NAA15: variants seen among roughly 807,000 people sequenced by gnomAD.
NAA15 encodes N-alpha-acetyltransferase 15, NatA auxiliary subunit.
Under a neutral mutation model 114.0 loss-of-function variants are expected in NAA15, and 34 were observed. The ratio of observed to expected loss-of-function variants is 0.30; its 90% CI spans 0.23 to 0.40. The LOEUF (loss-of-function observed/expected upper bound fraction) is 0.40. Among genes scored for constraint, NAA15 ranks in the 10% least tolerant of loss-of-function variants. NAA15 has a pLI of 1.00. For synonymous variants in NAA15, 340 were observed against 338.0 expected, an observed-to-expected ratio of 1.01 and a Z score of -0.06; for missense variants, 658 against 1,004.5, an observed-to-expected ratio of 0.66 and a Z score of 4.66.
At chr4:139,365,758 G>C (rs1162918649) in intron 14 of NAA15, among the ~76,000 whole-genome samples, 1 of 152,116 alleles carries the variant, frequency 6.6e-6, no homozygotes, top group African/African-American at 2.4e-5. Context: ...GGCAGGAGTG[G>C]AAGGATCTTT....
intron 17 of NAA15, among the ~76,000 whole-genome samples, chr4:139,382,224 T>C (rs756938598): frequency 2.0e-5 from 3 of 152,132 alleles, no homozygotes; most frequent in Non-Finnish European, 4.4e-5. Context: ...TTGTAATTGA[T>C]ATTTTCCTGG....
chr4:139,369,506 G>A (rs1046847223), intron 14 of NAA15, among the ~76,000 whole-genome samples: 3 of 152,184 alleles, frequency 2.0e-5, no homozygotes, highest in African/African-American at 4.8e-5. Context: ...TTGGGAGGCC[G>A]AGGCAGGTGG....
At chr4:139,311,426 A>G (rs1284957784) in intron 1 of NAA15, among the ~76,000 whole-genome samples, 1 of 152,018 alleles carries the variant, frequency 6.6e-6, no homozygotes, top group African/African-American at 2.4e-5. Context: ...AAGGGAGTTA[A>G]GCTGGGCTTT....
chr4:139,306,401 T>C (rs1746016382), intron 1 of NAA15, among the ~76,000 whole-genome samples: 1 of 151,522 alleles, frequency 6.6e-6, no homozygotes, highest in Non-Finnish European at 1.5e-5. Flanking sequence ...GCTAATTTTT[T>C]TTTTTGTATT....
chr4:139,380,816 G>A (rs936412820), intron 17 of NAA15, among the ~76,000 whole-genome samples: 3 of 152,088 alleles, frequency 2.0e-5, no homozygotes, highest in Non-Finnish European at 4.4e-5. Context: ...TTGAAAACGG[G>A]TGTACTATAA....
chr4:139,340,090 G>A (rs976838289), intron 3 of NAA15, among the ~76,000 whole-genome samples: 5 of 152,196 alleles, frequency 3.3e-5, no homozygotes, highest in East Asian at 1.9e-4. Context: ...GGGAGGCCAA[G>A]GCAGGTGTAT....
At chr4:139,360,734 C>G in intron 13 of NAA15, 106 bp downstream of exon 13, 2 of 1,015,136 alleles carry the variant, frequency 2.0e-6, no homozygotes, top group Middle Eastern at 3.5e-4. Context: ...ATAGTAGGTG[C>G]TTTTTAAAAT....
chr4:139,385,283 A>AATATATATATATATATATATAATAT (rs35008407), intron 18 of NAA15, among the ~76,000 whole-genome samples: 1 of 100,490 alleles, frequency 1.0e-5, no homozygotes, highest in Non-Finnish European at 2.2e-5. Context: ...ATATATATAT[A>AATATATATATATATATATATAATAT]ATATATATAT....
At chr4:139,347,021 C>A (rs562732367) in intron 6 of NAA15, among the ~76,000 whole-genome samples, 1 of 152,054 alleles carries the variant, frequency 6.6e-6, no homozygotes, top group African/African-American at 2.4e-5. Context: ...GATCCTCCCC[C>A]CAAACCCCAC....
At chr4:139,349,422 C>T in intron 6 of NAA15, 40 bp from the exon 7 acceptor site, 1 of 1,480,440 alleles carries the variant, frequency 6.8e-7, no homozygotes, top group African/African-American at 1.4e-5. Flanking sequence ...GGAAGGTTTT[C>T]TCAGATATTA....
intron 1 of NAA15, among the ~76,000 whole-genome samples, chr4:139,331,025 A>G (rs1329020015): frequency 7.2e-6 from 1 of 139,480 alleles, no homozygotes; most frequent in East Asian, 2.0e-4. Flanking sequence ...AATTATGAGC[A>G]AAATTGTTTA....
chr4:139,310,470 C>A (rs1288520117), intron 1 of NAA15, among the ~76,000 whole-genome samples: 6 of 147,342 alleles, frequency 4.1e-5, no homozygotes, highest in East Asian at 2.0e-4. Context: ...AAAAAAAAAA[C>A]ATTTTTGGAC....
intron 7 of NAA15, among the ~76,000 whole-genome samples, chr4:139,350,049 A>G (rs1747728949): frequency 6.6e-6 from 1 of 152,184 alleles, no homozygotes; most frequent in African/African-American, 2.4e-5. Context: ...CAGATTGAGC[A>G]TGTTCTGAAA....
intron 1 of NAA15, among the ~76,000 whole-genome samples, chr4:139,318,815 C>T (rs1200537421): frequency 6.6e-6 from 1 of 151,544 alleles, no homozygotes; most frequent in Non-Finnish European, 1.5e-5. Flanking sequence ...GATCGCGCCA[C>T]TGTACTCCAG....
chr4:139,351,556 A>G lies in NAA15; in HGVS notation c.959A>G (p.Lys320Arg), dbSNP rs1747778400. 9.9e-6 allele frequency: 16 copies of G among 1,609,034 alleles called. No homozygotes were observed. The highest frequency in any genetic ancestry group is 1.4e-5 in the Non-Finnish European group (16 of 1,175,572). Residue 320 changes from lysine to arginine, a missense_variant, in exon 9 of 20, where the codon AAG (lysine) becomes AGG (arginine). Transcript: ENST00000296543. ...LDKFLRMNFS[K>R]GCPPVFNTLR... ...AAGTTCCTAAGGATGAATTTCAGCA[A>G]GGGTTGCCCACCAGTCTTCAATACT...
chr4:139,385,716 C>A (rs1748893641), intron 18 of NAA15, among the ~76,000 whole-genome samples: 1 of 152,134 alleles, frequency 6.6e-6, no homozygotes, highest in Non-Finnish European at 1.5e-5. Context: ...TTTGTGGAAT[C>A]CTGAATTCAG....
rs776080598 is a variant in NAA15, at chr4:139,359,877, G to T, written c.1392G>T (p.Met464Ile). 1.3e-6 allele frequency: 2 copies of T among 1,595,252 alleles called. No individual in the cohort carries two copies. The highest frequency in any genetic ancestry group is 2.3e-5 in the South Asian group (2 of 87,034). ...KANLIKEAEE[M>I]CSKFTREGTS... ...ACCTGATTAAAGAAGCTGAAGAAATGTGCTCAAAGTTTACAAGGGTTTGTA... is the reference window on the plus strand; with the variant it reads ...ACCTGATTAAAGAAGCTGAAGAAATTTGCTCAAAGTTTACAAGGGTTTGTA... The change falls in exon 12 of 20, where the codon ATG becomes ATT. Residue 464 changes from methionine (M) to isoleucine (I), a missense_variant. Met to Ile is a conservative substitution (Grantham distance 10). This residue lies in a region of NAA15 where 281 missense variants were observed against 389.1 expected (regional missense o/e 0.72). Transcript: ENST00000296543.
chr4:139,340,060 G>A (rs1357922735), intron 3 of NAA15, among the ~76,000 whole-genome samples: 1 of 152,158 alleles, frequency 6.6e-6, no homozygotes, highest in East Asian at 1.9e-4. Flanking sequence ...GGGAGCTTAT[G>A]CCTGTAATCC....
At chr4:139,340,851 G>A in intron 3 of NAA15, 61 bp from the exon 4 acceptor site, 5 of 1,335,606 alleles carry the variant, frequency 3.7e-6, no homozygotes, top group Non-Finnish European at 4.9e-6. Flanking sequence ...AAGTTTTTTG[G>A]GAGGTCGTTT....
Sources: gnomAD v4.1 joint callset for allele counts (sites outside exome capture counted in the v4.1 genomes callset) on GRCh38, gnomAD v4.1.1 for gene constraint, gnomAD v4.1.1 regional missense constraint, MANE v1.5 for transcripts, NCBI Gene and HGNC (gene_info 2026-07-23, HGNC 2026-07-21) for gene names.